Variants in SV2C observed in about 807,000 individuals in gnomAD.
SV2C encodes synaptic vesicle glycoprotein 2C.
A neutral mutation model predicts 79.7 loss-of-function variants in SV2C; 49 were observed. The observed-to-expected ratio is 0.61, with a 90% CI of 0.49 to 0.78. The LOEUF (loss-of-function observed/expected upper bound fraction) is 0.78, where lower values mean the gene tolerates loss of function less well. SV2C is among the 30% of genes least tolerant of loss of function. The pLI is 0.00. For synonymous variants in SV2C, 334 were observed against 333.2 expected (o/e 1.00, Z -0.03); for missense variants, 833 against 912.9 (o/e 0.91, Z 1.13).
At chr5:76,174,063 T>C in intron 2 of SV2C, 2 of 1,577,050 alleles carry the variant, frequency 1.3e-6, no homozygotes, top group Non-Finnish European at 1.7e-6. Flanking sequence ...ACTTGCTCTC[T>C]ATAAGAATCT....
chr5:75,933,400 C>A, the SV2C span, among the ~76,000 whole-genome samples: 85,938 of 152,000 alleles, frequency 0.57, 25,188 homozygotes, highest in African/African-American at 0.73. Context: ...TCAATTATAT[C>A]CTCATCATTT....
upstream of SV2C, chr5:76,078,678 T>G: frequency 2.1e-6 from 1 of 470,032 alleles, no homozygotes; most frequent in Admixed American, 2.6e-5. Flanking sequence ...CACAGCAGCA[T>G]GGCACAGCAA....
chr5:76,306,724 A>G (rs2937747), intron 12 of SV2C, among the ~76,000 whole-genome samples: 15,001 of 152,280 alleles, frequency 0.099, 779 homozygotes, highest in Admixed American at 0.14. Context: ...TTGAAACAGA[A>G]ATGAATTAAT....
chr5:76,010,357 G>A, the SV2C span, among the ~76,000 whole-genome samples: 4 of 152,102 alleles, frequency 2.6e-5, no homozygotes, highest in African/African-American at 9.7e-5. Flanking sequence ...GTTGAATTAT[G>A]TATGGTATTG....
At chr5:75,974,259 T>C in the SV2C span, among the ~76,000 whole-genome samples, 1 of 152,092 alleles carries the variant, frequency 6.6e-6, no homozygotes, top group African/African-American at 2.4e-5. Context: ...ATATTTTAAA[T>C]GGAACCATCG....
At chr5:75,857,793 T>C in the SV2C span, among the ~76,000 whole-genome samples, 1 of 152,228 alleles carries the variant, frequency 6.6e-6, no homozygotes, top group Admixed American at 6.5e-5. Flanking sequence ...ATCTGGGTTT[T>C]ATAATTTTTA....
the SV2C span, among the ~76,000 whole-genome samples, chr5:76,020,260 C>T: frequency 2.0e-5 from 3 of 151,830 alleles, no homozygotes; most frequent in Non-Finnish European, 2.9e-5. Flanking sequence ...GAGTTCCTTG[C>T]AGAGTGTAGA....
intron 3 of SV2C, among the ~76,000 whole-genome samples, chr5:76,207,346 G>C (rs987609054): frequency 1.3e-5 from 2 of 152,050 alleles, no homozygotes; most frequent in Non-Finnish European, 2.9e-5. Context: ...GTAAAAACTA[G>C]GACTATTTTT....
chr5:76,249,900 A>G (rs905447314), intron 4 of SV2C, among the ~76,000 whole-genome samples: 9 of 152,190 alleles, frequency 5.9e-5, no homozygotes, highest in African/African-American at 2.2e-4. Context: ...CAGCAGCTCA[A>G]TTTTGTGCCA....
At chr5:75,979,927 T>G in the SV2C span, among the ~76,000 whole-genome samples, 3 of 151,984 alleles carry the variant, frequency 2.0e-5, no homozygotes, top group Non-Finnish European at 4.4e-5. Context: ...AAAAGATCAG[T>G]GATTCCAGGA....
At chr5:76,154,989 T>C (rs1162087215) in intron 2 of SV2C, among the ~76,000 whole-genome samples, 1 of 152,188 alleles carries the variant, frequency 6.6e-6, no homozygotes, top group African/African-American at 2.4e-5. Flanking sequence ...TTTGAGTCTT[T>C]GATCAGCATT....
chr5:76,298,032 A>G (rs932287333), intron 9 of SV2C, among the ~76,000 whole-genome samples: 18 of 152,036 alleles, frequency 1.2e-4, no homozygotes, highest in Admixed American at 9.2e-4. Context: ...CTCTTCTAAG[A>G]TGTTATTATC....
At chr5:76,065,521 T>G in the SV2C span, among the ~76,000 whole-genome samples, 1 of 152,208 alleles carries the variant, frequency 6.6e-6, no homozygotes, top group Non-Finnish European at 1.5e-5. Context: ...CTTCAAAATT[T>G]ATTCTTTCTA....
At chr5:76,300,587 C>G (rs1050072994) in intron 10 of SV2C, 142 bp from the exon 11 acceptor site, 118 of 783,550 alleles carry the variant, frequency 1.5e-4, no homozygotes, top group Non-Finnish European at 1.0e-4. Context: ...CCAGAAGACC[C>G]AAAAAGTCAA....
intron 1 of SV2C, among the ~76,000 whole-genome samples, chr5:76,116,988 A>G (rs1748290444): frequency 6.6e-6 from 1 of 152,156 alleles, no homozygotes; most frequent in African/African-American, 2.4e-5. Context: ...ACAGAAGGAT[A>G]TGGAGAGGAA....
the SV2C span, among the ~76,000 whole-genome samples, chr5:75,881,621 T>A: frequency 6.6e-6 from 1 of 152,142 alleles, no homozygotes; most frequent in African/African-American, 2.4e-5. Flanking sequence ...TGTATAAGAA[T>A]GCTTGTGATT....
intron 2 of SV2C, among the ~76,000 whole-genome samples, chr5:76,137,235 G>C (rs1749097964): frequency 6.6e-6 from 1 of 152,168 alleles, no homozygotes; most frequent in Non-Finnish European, 1.5e-5. Context: ...ATAATTAATA[G>C]AAGGGTGAAT....
chr5:75,896,612 A>T, the SV2C span, among the ~76,000 whole-genome samples: 2 of 151,780 alleles, frequency 1.3e-5, no homozygotes, highest in African/African-American at 4.9e-5. Context: ...TGGTATTTCT[A>T]GTTCTAGATC....
chr5:76,198,374 C>T (rs1456505690), intron 3 of SV2C, among the ~76,000 whole-genome samples: 2 of 151,942 alleles, frequency 1.3e-5, no homozygotes, highest in African/African-American at 4.8e-5. Context: ...AGGCCTGGCA[C>T]CCCCCAGCCC....
Sources: gnomAD v4.1 joint callset for allele counts (sites outside exome capture counted in the v4.1 genomes callset) on GRCh38, gnomAD v4.1.1 for gene constraint, MANE v1.5 for transcripts, NCBI Gene and HGNC (gene_info 2026-07-23, HGNC 2026-07-21) for gene names.